ARFGEF1: variants seen among roughly 807,000 people sequenced by gnomAD.
ARFGEF1 encodes the protein brefeldin A-inhibited guanine nucleotide-exchange protein 1.
ARFGEF1 carries 42 observed loss-of-function variants against 231.0 expected under a neutral mutation model. The observed-to-expected ratio is 0.18, with a 90% CI of 0.14 to 0.24. The LOEUF (loss-of-function observed/expected upper bound fraction) is 0.24, where lower values mean the gene tolerates loss of function less well. ARFGEF1 is among the 10% of genes least tolerant of loss of function. The pLI is 1.00. For synonymous variants in ARFGEF1, 710 were observed against 732.3 expected (o/e 0.97, Z 0.49); for missense variants, 1,345 against 2,192.0 (o/e 0.61, Z 7.72).
intron 7 of ARFGEF1, among the ~76,000 whole-genome samples, chr8:67,280,313 T>C (rs1805482475): frequency 6.6e-6 from 1 of 152,230 alleles, no homozygotes; most frequent in African/African-American, 2.4e-5. Context: ...TCATCTAGAC[T>C]GTATTTGATC....
chr8:67,203,341 C>T, intron 35 of ARFGEF1, 90 bp from the exon 36 acceptor site: 3 of 1,429,644 alleles, frequency 2.1e-6, no homozygotes, highest in Non-Finnish European at 1.9e-6. Flanking sequence ...ACCAGTTTTA[C>T]AAGAAAGCCA....
At chr8:67,337,173 A>G (rs1162200060) in intron 1 of ARFGEF1, among the ~76,000 whole-genome samples, 1 of 151,094 alleles carries the variant, frequency 6.6e-6, no homozygotes, top group Non-Finnish European at 1.5e-5. Flanking sequence ...AATTGAAATT[A>G]TTTTGTGTTA....
intron 10 of ARFGEF1, 95 bp from the exon 11 acceptor site, chr8:67,267,537 G>C: frequency 1.3e-6 from 1 of 749,034 alleles, no homozygotes; most frequent in Non-Finnish European, 2.2e-6. Flanking sequence ...GCAGGTATTA[G>C]GACCCAGGCT....
chr8:67,343,735 G>T lies in ARFGEF1; in HGVS notation c.-448C>A. On this transcript the variant is annotated 5_prime_UTR_variant, in exon 1 of 39. Transcript: ENST00000262215. ...TAGCACCCGCCGCGGCCGCGAACTG[G>T]CCCCCATCACCGCCGACCTGCCCCG... The T allele has an allele frequency of 2.3e-6, 1 of 440,794 alleles. No homozygotes were observed. Among genetic ancestry groups the T allele is most frequent in the Non-Finnish European group, 3.0e-6 (1 of 330,882 alleles). 27.3% of individuals were successfully genotyped at this position (440,794 alleles called of 1,614,324 possible). A position where few individuals can be genotyped will look rare whatever the true frequency, so the allele number is the denominator to read the frequency against.
rs552601455 is a variant in ARFGEF1, at chr8:67,289,549, C to CAAAA, written c.917-1488_917-1485dup. Among the ~76,000 whole-genome samples the CAAAA allele has an allele frequency of 1.2e-3, 54 of 44,816 alleles. 2 individuals carry two copies. Among genetic ancestry groups the CAAAA allele is most frequent in the African/African-American group, 1.7e-3 (24 of 14,006 alleles). 29.4% of individuals were successfully genotyped at this position (44,816 alleles called of 152,430 possible). A position where few individuals can be genotyped will look rare whatever the true frequency, so the allele number is the denominator to read the frequency against. On this transcript the variant is annotated intron_variant, in intron 6 of 38. Coordinates refer to ENST00000262215, the MANE Select transcript of ARFGEF1 (RefSeq NM_006421.5). ...GGGTGACAGAGCAAGACTCTGTATC[C>CAAAA]AAAAAAAAAAAAAAAAAAAAAAAAA...
intron 34 of ARFGEF1, among the ~76,000 whole-genome samples, chr8:67,206,014 T>A (rs1400849664): frequency 1.3e-5 from 2 of 152,078 alleles, no homozygotes; most frequent in Non-Finnish European, 2.9e-5. Context: ...TGCAATACTG[T>A]GGTTTGGCCA....
chr8:67,175,044 A>G (rs2290585), downstream of ARFGEF1: 34,082 of 413,044 alleles, frequency 0.083, 3,230 homozygotes, highest in African/African-American at 0.32. Flanking sequence ...GGACAATGCA[A>G]CATCCACTGC....
downstream of ARFGEF1, among the ~76,000 whole-genome samples, chr8:67,195,214 T>C (rs1837650115): frequency 6.6e-6 from 1 of 151,966 alleles, no homozygotes. Flanking sequence ...CCCTCTAAAA[T>C]AGGGTGGGGT....
At chr8:67,251,220 CTT>C (rs1840275094) in intron 19 of ARFGEF1, 77 bp downstream of exon 19, 1 of 1,330,668 alleles carries the variant, frequency 7.5e-7, no homozygotes, top group Non-Finnish European at 9.9e-7. Context: ...CACTGTATCG[CTT>C]CCTTAACTTA....
At chr8:67,249,507 G>A (rs372582849) in intron 19 of ARFGEF1, among the ~76,000 whole-genome samples, 3 of 150,472 alleles carry the variant, frequency 2.0e-5, no homozygotes, top group Non-Finnish European at 2.9e-5. Flanking sequence ...ATAGACAGAC[G>A]GATAGATAAA....
intron 1 of ARFGEF1, among the ~76,000 whole-genome samples, chr8:67,336,110 T>G (rs1268753305): frequency 1.3e-5 from 2 of 152,216 alleles, no homozygotes; most frequent in Non-Finnish European, 2.9e-5. Context: ...ATAAACAAAT[T>G]TAGTTACATC....
At position 67,343,306 on chromosome 8, in the gene ARFGEF1, G is replaced by C; in HGVS notation, c.-19C>G. On this transcript the variant is annotated 5_prime_UTR_variant, in exon 1 of 39. Coordinates refer to ENST00000262215, the MANE Select transcript of ARFGEF1 (RefSeq NM_006421.5). ...CATACATGGACGCAGAGAAGGAGGC[G>C]GCGGCTCGTCCGACCCGCGGCTCCC... 1 of 1,611,116 alleles carries C rather than the reference G, an allele frequency of 6.2e-7. No homozygotes were observed. The highest frequency in any genetic ancestry group is 8.5e-7 in the Non-Finnish European group (1 of 1,177,958).
chr8:67,320,762 G>T (rs191772977), intron 1 of ARFGEF1, among the ~76,000 whole-genome samples: 1 of 151,848 alleles, frequency 6.6e-6, no homozygotes, highest in African/African-American at 2.4e-5. Context: ...CTCGAGGCCA[G>T]GTCAGCCTGG....
chr8:67,244,334 G>A (rs1348452290), intron 19 of ARFGEF1, among the ~76,000 whole-genome samples: 1 of 45,434 alleles, frequency 2.2e-5, no homozygotes, highest in Non-Finnish European at 4.1e-5. Context: ...TTTTTTTTTT[G>A]AGGATCTCAC....
chr8:67,184,975 G>A (rs1458170092), intron 5 of ARFGEF1, among the ~76,000 whole-genome samples: 3 of 147,246 alleles, frequency 2.0e-5, no homozygotes, highest in Non-Finnish European at 4.5e-5. Flanking sequence ...AAGGTGGTGG[G>A]CACCTATAAG....
chr8:67,319,440 G>A (rs534064152), intron 1 of ARFGEF1, among the ~76,000 whole-genome samples: 3 of 150,726 alleles, frequency 2.0e-5, no homozygotes, highest in African/African-American at 7.3e-5. Context: ...AAGTACAAGT[G>A]CAATTCAATG....
Position 67,251,463 on chromosome 8 carries a change from A to G in ARFGEF1, c.2699-13T>C, listed in dbSNP as rs199715350. 8 of 1,578,776 alleles carry G rather than the reference A, an allele frequency of 5.1e-6. No homozygotes were observed. The South Asian group carries it at 9.5e-5, about 19-fold the overall frequency. ...TCACTGGCTACATCTGAAACAATAAACACTATCAGCATTTTAAATATAAAA... is the reference window on the plus strand; with the variant it reads ...TCACTGGCTACATCTGAAACAATAAGCACTATCAGCATTTTAAATATAAAA... On this transcript the variant is annotated splice_polypyrimidine_tract_variant and intron_variant, in intron 18 of 38. Coordinates refer to ENST00000262215, the MANE Select transcript of ARFGEF1 (RefSeq NM_006421.5).
intron 1 of ARFGEF1, 57 bp downstream of exon 1, chr8:67,343,107 G>A: frequency 2.3e-6 from 1 of 426,108 alleles, no homozygotes; most frequent in Non-Finnish European, 3.5e-6. Context: ...CCCCACAGGC[G>A]CCCCCCTCCC....
chr8:67,339,895 TAAAGG>T (rs1808543092), intron 1 of ARFGEF1, among the ~76,000 whole-genome samples: 1 of 150,300 alleles, frequency 6.7e-6, no homozygotes, highest in South Asian at 2.1e-4. Flanking sequence ...TGCATCCCTT[TAAAGG>T]TTTATTTTTC....
Sources: gnomAD v4.1 joint callset for allele counts (sites outside exome capture counted in the v4.1 genomes callset) on GRCh38, gnomAD v4.1.1 for gene constraint, MANE v1.5 for transcripts, NCBI Gene and HGNC (gene_info 2026-07-23, HGNC 2026-07-21) for gene names.